Variants in KMT2C observed in about 807,000 individuals in gnomAD.
KMT2C encodes histone-lysine N-methyltransferase 2C.
A neutral mutation model predicts 507.9 loss-of-function variants in KMT2C; 88 were observed. That is an observed-to-expected ratio of 0.17 (90% confidence interval 0.15 to 0.21). The LOEUF is 0.21. Ranked by LOEUF, KMT2C falls within the 10% of genes least tolerant of loss-of-function variation. KMT2C has a pLI of 1.00. For missense variants in KMT2C, 4,954 were observed against 5,957.8 expected (o/e 0.83, Z 5.55); for synonymous variants, 2,049 against 2,080.8 (o/e 0.98, Z 0.42).
At chr7:152,376,582 A>G (rs549469120) in intron 1 of KMT2C, among the ~76,000 whole-genome samples, 23 of 152,364 alleles carry the variant, frequency 1.5e-4, no homozygotes, top group African/African-American at 5.1e-4. Context: ...TTAAGCAAAA[A>G]GCCTAATCCA....
At chr7:152,330,169 T>TGGGGGG (rs376494504) in intron 3 of KMT2C, among the ~76,000 whole-genome samples, 7 of 40,992 alleles carry the variant, frequency 1.7e-4, no homozygotes, top group Admixed American at 2.9e-4. Context: ...GGAGGGGTGG[T>TGGGGGG]GGGGGGGGGG....
chr7:152,278,801 T>C (rs2096141201), intron 6 of KMT2C, among the ~76,000 whole-genome samples: 1 of 152,312 alleles, frequency 6.6e-6, no homozygotes, highest in African/African-American at 2.4e-5. Flanking sequence ...GAAGCCATAG[T>C]CATTAAAGTT....
intron 9 of KMT2C, among the ~76,000 whole-genome samples, chr7:152,257,972 G>A (rs1365808138): frequency 7.9e-5 from 12 of 152,134 alleles, no homozygotes; most frequent in Non-Finnish European, 1.6e-4. Flanking sequence ...TGTAGCCTGC[G>A]GGTCATGGGT....
In KMT2C at chr7:152,155,991, C is replaced by G; in HGVS notation, c.11879G>C (p.Arg3960Pro). The G allele has an allele frequency of 6.2e-7, 1 of 1,610,378 alleles. No homozygotes were observed. Among genetic ancestry groups the G allele is most frequent in the Non-Finnish European group, 8.5e-7 (1 of 1,179,190 alleles). The change falls in exon 46 of 59, where the codon CGA (arginine) becomes CCA (proline). Residue 3960 changes from arginine (R) to proline (P), a missense_variant. Physicochemically the swap from Arg to Pro is moderately radical, Grantham distance 103 (BLOSUM62 -2). Around this residue, in one of 29 missense-constraint regions of KMT2C, gnomAD observed 104 missense variants for 134.3 expected, o/e 0.77. Transcript: ENST00000262189. ...PFRPQDDLLA[R>P]ALAQGPKTVD... ...TGTCTTGGGGCCCTGAGCAAGAGCT[C>G]GGGCCAACAAGTCGTCCTGGGGTCT...
chr7:152,214,764 C>G (rs536667104), intron 23 of KMT2C, among the ~76,000 whole-genome samples: 3 of 146,492 alleles, frequency 2.0e-5, no homozygotes, highest in African/African-American at 7.5e-5. Flanking sequence ...AGAAGCTGAA[C>G]GTATAGAGAG....
At chr7:152,168,026 C>T (rs1318065696) in intron 41 of KMT2C, among the ~76,000 whole-genome samples, 1 of 152,068 alleles carries the variant, frequency 6.6e-6, no homozygotes, top group South Asian at 2.1e-4. Flanking sequence ...CCAAGCAAAA[C>T]ATTTTCTACT....
Position 152,283,790 on chromosome 7 carries a change from A to G in KMT2C, c.850-9923T>C, listed in dbSNP as rs539648727. On this transcript the variant is annotated intron_variant, in intron 6 of 58. Transcript: ENST00000262189. Reference sequence around the variant, plus strand: ...GCCAACTGATAAAATGCTACTTACCAGGTAAAAACCACTACCAAAAATCAG... The same window carrying G: ...GCCAACTGATAAAATGCTACTTACCGGGTAAAAACCACTACCAAAAATCAG... Among the ~76,000 whole-genome samples the G allele has an allele frequency of 2.0e-5, 3 of 152,300 alleles. No homozygotes were observed. The East Asian group carries it at 5.8e-4, about 29-fold the overall frequency.
rs1377360433 is a variant in KMT2C at position 152,255,108 on chromosome 7, CTTATAT to C, written c.1300-2399_1300-2394del. Among the ~76,000 whole-genome samples the C allele has an allele frequency of 2.6e-4, 16 of 60,672 alleles. 1 individual carries two copies. The highest frequency in any genetic ancestry group is 3.5e-4 in the Non-Finnish European group (11 of 31,006). 39.8% of individuals were successfully genotyped at this position (60,672 alleles called of 152,430 possible). ...AAATCAAGATGTCAATCAACTCTCA[CTTATAT>C]ATATATATATATATATATATATATA... On this transcript the variant is annotated intron_variant, in intron 9 of 58. Coordinates refer to ENST00000262189, the MANE Select transcript of KMT2C (RefSeq NM_170606.3).
At chr7:152,221,466 TAATA>T (rs1278299563) in intron 22 of KMT2C, among the ~76,000 whole-genome samples, 1 of 152,148 alleles carries the variant, frequency 6.6e-6, no homozygotes, top group Non-Finnish European at 1.5e-5. Context: ...TAGGGAGAAG[TAATA>T]AATAAGTACA....
At chr7:152,187,053 G>T (rs1255814010) in intron 33 of KMT2C, among the ~76,000 whole-genome samples, 1 of 152,076 alleles carries the variant, frequency 6.6e-6, no homozygotes, top group Non-Finnish European at 1.5e-5. Context: ...TTCACTAATT[G>T]AAACTAATTT....
In KMT2C at chr7:152,435,884, T is replaced by C; in HGVS notation, c.-98A>G. The C allele has an allele frequency of 7.6e-7, 1 of 1,307,872 alleles. No homozygotes were observed. Among genetic ancestry groups the C allele is most frequent in the Non-Finnish European group, 1.0e-6 (1 of 997,844 alleles). The allele number at this position is 1,307,872 out of a possible 1,614,324, so 81.0% of individuals were successfully genotyped here. A position where few individuals can be genotyped will look rare whatever the true frequency, so the allele number is the denominator to read the frequency against. ...CCGCCGCTGCTGCTCGGGTTCCTCC[T>C]CCCCGGCTCAGCCTCTCGCATTTCC... On this transcript the variant is annotated 5_prime_UTR_variant, in exon 1 of 59. Coordinates refer to ENST00000262189, the MANE Select transcript of KMT2C (RefSeq NM_170606.3).
intron 23 of KMT2C, among the ~76,000 whole-genome samples, chr7:152,213,858 C>T (rs755371732): frequency 1.3e-5 from 2 of 151,016 alleles, no homozygotes; most frequent in Non-Finnish European, 2.9e-5. Context: ...ATATAAGGAA[C>T]TCACACAACT....
At chr7:152,157,728 GAAGC>G in intron 44 of KMT2C, 2 of 1,155,602 alleles carry the variant, frequency 1.7e-6, no homozygotes, top group Non-Finnish European at 2.2e-6. Context: ...ACCCAAAGAT[GAAGC>G]AAGACAACAC....
chr7:152,148,739 G>A lies in KMT2C; in HGVS notation c.13188C>T (p.Pro4396=), dbSNP rs1461408575. The A allele has an allele frequency of 1.2e-6, 2 of 1,614,032 alleles. No individual in the cohort carries two copies. The highest frequency in any genetic ancestry group is 2.2e-5 in the East Asian group (1 of 44,902). The stretch of plus-strand genomic sequence containing the variant: ...AAAAGCAACATTTCCGATAGTCTTT[G>A]GGCACAGGATCAGGTTTAAGGGAAG... ...LGTSLKPDPV[P]KDYRKCCFCH... is the part of the protein sequence containing the mutation. The change falls in exon 52 of 59, where the codon CCC becomes CCT. Residue 4396 remains proline (P), a synonymous_variant. Coordinates refer to ENST00000262189, the MANE Select transcript of KMT2C (RefSeq NM_170606.3). This position sits in a 1 kb window ranked among gnomAD's most constrained non-coding sequence, Gnocchi z 7.1.
intron 6 of KMT2C, among the ~76,000 whole-genome samples, chr7:152,296,067 C>CAAAAAAAA (rs34144566): frequency 2.2e-5 from 1 of 45,430 alleles, no homozygotes; most frequent in Non-Finnish European, 4.2e-5. Flanking sequence ...GACTCCGTCT[C>CAAAAAAAA]AAAAAAAAAA....
chr7:152,414,100 CTCAGGAGACTGAG>C (rs2097709631), intron 1 of KMT2C, among the ~76,000 whole-genome samples: 1 of 151,392 alleles, frequency 6.6e-6, no homozygotes, highest in African/African-American at 2.4e-5. Flanking sequence ...ATCCCAGCTA[CTCAGGAGACTGAG>C]GCAGGAGAAT....
At chr7:152,337,354 A>C (rs1372581019) in intron 2 of KMT2C, among the ~76,000 whole-genome samples, 1 of 152,222 alleles carries the variant, frequency 6.6e-6, no homozygotes, top group Non-Finnish European at 1.5e-5. Flanking sequence ...TTCATTAAAT[A>C]GCATCAGCTA....
intron 31 of KMT2C, among the ~76,000 whole-genome samples, chr7:152,189,519 A>C (rs2093727505): frequency 6.6e-6 from 1 of 152,228 alleles, no homozygotes; most frequent in South Asian, 2.1e-4. Context: ...AGATTAAAAA[A>C]AAAGTCTCAT....
intron 41 of KMT2C, among the ~76,000 whole-genome samples, chr7:152,168,932 A>G (rs2092843336): frequency 6.6e-6 from 1 of 152,230 alleles, no homozygotes; most frequent in African/African-American, 2.4e-5. Flanking sequence ...AACAATATTG[A>G]AGAGAATGGG....
Sources: allele counts gnomAD v4.1 joint callset (sites outside exome capture counted in the v4.1 genomes callset), GRCh38; gene constraint gnomAD v4.1.1; regional missense constraint gnomAD v4.1.1; non-coding constraint Gnocchi (gnomAD v3.1); transcripts MANE v1.5; gene names NCBI Gene and HGNC (gene_info 2026-07-23, HGNC 2026-07-21).